The following CPAP variants were observed in gnomAD, a reference collection of about 807,000 sequenced individuals.
The protein encoded by CPAP is centrosome assembly and centriole elongation protein.
At chr13:24,908,006 C>A in the CPAP span, 10 of 1,548,114 alleles carry the variant, frequency 6.5e-6, no homozygotes, top group Non-Finnish European at 8.9e-6. Context: ...TCACTTTCAA[C>A]ACGAACAATA....
chr13:24,885,849 A>C, the CPAP span: 1 of 601,810 alleles, frequency 1.7e-6, no homozygotes, highest in Non-Finnish European at 3.0e-6. Flanking sequence ...CTTAAGTCCT[A>C]GATGTCCAAG....
At chr13:24,898,712 C>T in the CPAP span, among the ~76,000 whole-genome samples, 1 of 152,166 alleles carries the variant, frequency 6.6e-6, no homozygotes, top group South Asian at 2.1e-4. Flanking sequence ...TCAAGGATGG[C>T]TGCATGAGAC....
chr13:24,913,091 C>G, the CPAP span: 1 of 1,419,728 alleles, frequency 7.0e-7, no homozygotes, highest in African/African-American at 1.4e-5. Flanking sequence ...ATTTCCAACA[C>G]CTGTAGACAA....
chr13:24,910,119 C>G, the CPAP span: 1 of 1,598,140 alleles, frequency 6.3e-7, no homozygotes, highest in Non-Finnish European at 8.5e-7. Context: ...AAGCTGATGA[C>G]TTCCTTCAAC....
At chr13:24,933,123 A>T in the CPAP span, 2 of 1,578,614 alleles carry the variant, frequency 1.3e-6, no homozygotes, top group Non-Finnish European at 8.7e-7. Context: ...TTTCCTTTTC[A>T]TTAAATCCTC....
chr13:24,911,978 A>G, the CPAP span: 2 of 1,614,174 alleles, frequency 1.2e-6, no homozygotes, highest in Non-Finnish European at 1.7e-6. Context: ...CACCATGGTG[A>G]GCAGCTTCTC....
the CPAP span, chr13:24,905,390 A>C: frequency 6.2e-7 from 1 of 1,614,004 alleles, no homozygotes; most frequent in Non-Finnish European, 8.5e-7. Context: ...TTCATTTCCC[A>C]AGTGTGAATC....
At chr13:24,932,064 C>G in the CPAP span, among the ~76,000 whole-genome samples, 1 of 151,390 alleles carries the variant, frequency 6.6e-6, no homozygotes, top group African/African-American at 2.5e-5. Flanking sequence ...GCTGCGCTCT[C>G]CGAGTGCGAG....
At chr13:24,889,056 A>G in the CPAP span, 4 of 453,502 alleles carry the variant, frequency 8.8e-6, no homozygotes, top group Admixed American at 1.1e-4. Flanking sequence ...AAAAAGTTTC[A>G]GATTTGGGAT....
the CPAP span, chr13:24,911,883 G>C: frequency 6.3e-7 from 1 of 1,591,592 alleles, no homozygotes; most frequent in African/African-American, 1.3e-5. Flanking sequence ...TAGAAATAAC[G>C]TGTCAAACAA....
chr13:24,902,959 C>T, the CPAP span, among the ~76,000 whole-genome samples: 3 of 152,136 alleles, frequency 2.0e-5, no homozygotes, highest in African/African-American at 7.2e-5. Flanking sequence ...GTGTATGTGA[C>T]ATATAATATC....
the CPAP span, chr13:24,883,400 A>C: frequency 1.1e-6 from 1 of 942,838 alleles, no homozygotes. Flanking sequence ...ATGATTTCTT[A>C]AAAAAAAAAT....
At chr13:24,930,820 T>C in the CPAP span, among the ~76,000 whole-genome samples, 2 of 152,214 alleles carry the variant, frequency 1.3e-5, no homozygotes, top group Non-Finnish European at 2.9e-5. Flanking sequence ...TTCTTTTGGA[T>C]GTGTACCCAG....
At chr13:24,895,713 T>TA in the CPAP span, among the ~76,000 whole-genome samples, 5 of 152,318 alleles carry the variant, frequency 3.3e-5, no homozygotes, top group South Asian at 1.0e-3. Context: ...GCCATGGACT[T>TA]AAAGGGGCTC....
At chr13:24,892,778 CT>C in the CPAP span, 1 of 1,613,822 alleles carries the variant, frequency 6.2e-7, no homozygotes, top group East Asian at 2.2e-5. Context: ...ACATTTGTAT[CT>C]GGCTTCTGAG....
the CPAP span, chr13:24,933,278 G>C: frequency 8.9e-6 from 6 of 672,772 alleles, no homozygotes; most frequent in East Asian, 1.7e-4. Context: ...CTGTGACTTG[G>C]CCGGTTGGGA....
chr13:24,932,511 G>A, the CPAP span, among the ~76,000 whole-genome samples: 1 of 152,022 alleles, frequency 6.6e-6, no homozygotes, highest in Non-Finnish European at 1.5e-5. Flanking sequence ...ATATATATGT[G>A]TATATACACA....
chr13:24,892,872 CAAA>C, the CPAP span: 2 of 1,227,200 alleles, frequency 1.6e-6, no homozygotes, highest in Non-Finnish European at 2.3e-6. Context: ...TAAAGTCTCT[CAAA>C]AAAAAAAAAC....
the CPAP span, among the ~76,000 whole-genome samples, chr13:24,917,612 AAC>A: frequency 6.6e-6 from 1 of 152,234 alleles, no homozygotes; most frequent in Admixed American, 6.5e-5. Context: ...ACATGGATAT[AAC>A]ACTGTTATGT....
Sources: allele counts gnomAD v4.1 joint callset (sites outside exome capture counted in the v4.1 genomes callset), GRCh38; gene constraint gnomAD v4.1.1; transcripts MANE v1.5; gene names NCBI Gene and HGNC (gene_info 2026-07-23, HGNC 2026-07-21).